Variants in PDGFA observed in about 807,000 individuals in gnomAD.
PDGFA encodes platelet derived growth factor subunit A.
Under a neutral mutation model 25.6 loss-of-function variants are expected in PDGFA, and 9 were observed. That is an observed-to-expected ratio of 0.35 (90% CI 0.21 to 0.61). The LOEUF (loss-of-function observed/expected upper bound fraction) is 0.61. PDGFA is among the 20% of genes least tolerant of loss of function. The probability of loss-of-function intolerance (pLI) is 0.75; values close to 1 mark genes in which losing one functional copy is unlikely to be tolerated. For missense variants in PDGFA, 242 were observed against 272.8 expected (o/e 0.89, Z 0.79); for synonymous variants, 133 against 111.8 (o/e 1.19, Z -1.20).
At chr7:506,733 G>A (rs576363412) in intron 4 of PDGFA, among the ~76,000 whole-genome samples, 95 of 152,248 alleles carry the variant, frequency 6.2e-4, no homozygotes, top group Admixed American at 2.5e-3. Flanking sequence ...ACTGTGCCAG[G>A]CAGAGTGCAA....
intron 4 of PDGFA, 139 bp from the exon 5 acceptor site, chr7:501,381 G>C (rs1427002938): frequency 4.8e-6 from 5 of 1,037,694 alleles, no homozygotes; most frequent in South Asian, 1.4e-5. Flanking sequence ...ACTACCTTGT[G>C]GTGGGGAGTG....
At chr7:516,423 G>A (rs1031069107) in intron 2 of PDGFA, among the ~76,000 whole-genome samples, 2 of 152,154 alleles carry the variant, frequency 1.3e-5, no homozygotes, top group African/African-American at 4.8e-5. Flanking sequence ...TTTGCAGGGA[G>A]AGAAGAATCT....
exon 6 of PDGFA, chr7:497,489 CGGCACCAG>C (rs1402468512): frequency 6.6e-6 from 1 of 152,192 alleles, no homozygotes; most frequent in African/African-American, 2.4e-5. Flanking sequence ...ACCGCCACCA[CGGCACCAG>C]GGCACACCAA....
intron 2 of PDGFA, among the ~76,000 whole-genome samples, chr7:515,996 G>GCCCC (rs766850548): frequency 1.1e-5 from 1 of 87,666 alleles, no homozygotes; most frequent in African/African-American, 4.5e-5. Context: ...CCTTCTGCTA[G>GCCCC]CACCCCCCCC....
chr7:501,588 A>G (rs1434072973), intron 4 of PDGFA, among the ~76,000 whole-genome samples: 4 of 151,874 alleles, frequency 2.6e-5, no homozygotes, highest in Non-Finnish European at 5.9e-5. Flanking sequence ...CTAATTTTAA[A>G]TATTTTTTTT....
chr7:506,031 C>A (rs902811237), intron 4 of PDGFA, among the ~76,000 whole-genome samples: 1 of 152,028 alleles, frequency 6.6e-6, no homozygotes, highest in Non-Finnish European at 1.5e-5. Context: ...CAAAAAATAG[C>A]CAGGCGTGGT....
At chr7:515,948 C>T (rs1038174095) in intron 2 of PDGFA, among the ~76,000 whole-genome samples, 1 of 151,856 alleles carries the variant, frequency 6.6e-6, no homozygotes, top group African/African-American at 2.4e-5. Context: ...GCTTCCAAAG[C>T]CAGTCCCACG....
At chr7:506,842 G>A (rs1583146092) in intron 4 of PDGFA, among the ~76,000 whole-genome samples, 1 of 152,236 alleles carries the variant, frequency 6.6e-6, no homozygotes, top group Admixed American at 6.5e-5. Flanking sequence ...GCCAGGCAGT[G>A]ACACTCCCAG....
intron 4 of PDGFA, among the ~76,000 whole-genome samples, chr7:502,913 C>A (rs9691628): frequency 1.3e-5 from 2 of 151,336 alleles, no homozygotes; most frequent in Admixed American, 6.6e-5. Flanking sequence ...CTCCACCCCC[C>A]ACCAGTCATG....
At chr7:507,747 A>T (rs1266929290) in intron 4 of PDGFA, among the ~76,000 whole-genome samples, 4 of 152,262 alleles carry the variant, frequency 2.6e-5, no homozygotes, top group Middle Eastern at 3.4e-3. Context: ...GGCCCACCGA[A>T]AGGCAGAAAC....
chr7:501,021 T>TA, intron 5 of PDGFA, 95 bp downstream of exon 5: 1 of 1,609,680 alleles, frequency 6.2e-7, no homozygotes, highest in Non-Finnish European at 8.5e-7. Context: ...CTCACAGCAG[T>TA]AAGCGTTGCG....
At position 500,670 on chromosome 7, in the gene PDGFA, G is replaced by C; in HGVS notation, c.580+446C>G. ...ATGCTCCCAGGGCCCAGCCATAGCA[G>C]GGCACAGAAGCCATTCTGCTCCTGG... On this transcript the variant is annotated intron_variant, in intron 5 of 5. Transcript: ENST00000402802. The surrounding 1 kb of genome is among the most constrained non-coding windows in gnomAD (Gnocchi z 5.0). The C allele has an allele frequency of 2.1e-6, 3 of 1,454,964 alleles. No homozygotes were observed. Among genetic ancestry groups the C allele is most frequent in the Non-Finnish European group, 2.7e-6 (3 of 1,110,380 alleles). The allele number at this position is 1,454,964 out of a possible 1,614,324, so 90.1% of individuals were successfully genotyped here. A position where few individuals can be genotyped will look rare whatever the true frequency, so the allele number is the denominator to read the frequency against.
chr7:497,587 T>G (rs568543171), exon 6 of PDGFA: 3 of 152,270 alleles, frequency 2.0e-5, no homozygotes, highest in African/African-American at 7.2e-5. Context: ...GGGGAACAAG[T>G]TGTCACTCAG....
upstream of PDGFA, chr7:520,646 G>C (rs971989426): frequency 6.6e-6 from 1 of 152,274 alleles, no homozygotes; most frequent in Non-Finnish European, 1.5e-5. Flanking sequence ...CCCGGGTTCT[G>C]AGCCTCCCGC....
At position 500,105 on chromosome 7, in the gene PDGFA, C is replaced by T. The variant is rs1782260242; in HGVS notation, c.580+1011G>A. Among the ~76,000 whole-genome samples, 1 of 152,206 alleles carries T rather than the reference C, an allele frequency of 6.6e-6. No individual in the cohort carries two copies. Among genetic ancestry groups the T allele is most frequent in the East Asian group, 1.9e-4 (1 of 5,202 alleles). ...ATGGGGTGGGTGATCCCAGAGTGGC[C>T]AGGCGCTCAGAGCTGCCCCACCGCT... On this transcript the variant is annotated intron_variant, in intron 5 of 5. Coordinates refer to ENST00000402802, the Ensembl canonical transcript of PDGFA. This position sits in a 1 kb window ranked among gnomAD's most constrained non-coding sequence, Gnocchi z 5.0.
upstream of PDGFA, chr7:520,296 G>C (rs1297097198): frequency 5.2e-6 from 1 of 191,618 alleles, no homozygotes; most frequent in South Asian, 6.7e-5. Context: ...CGCTCCGGCC[G>C]CTCTCCACGG....
At chr7:497,954 A>AAAC (rs1782145047) in exon 6 of PDGFA, 1 of 116,264 alleles carries the variant, frequency 8.6e-6, no homozygotes, top group East Asian at 2.5e-4. Flanking sequence ...AAAAAAAAAA[A>AAAC]AAAACAAAAA....
rs1176413948 is a variant in PDGFA at position 517,838 on chromosome 7, AT to A, written c.64-349del. Reference sequence around the variant, plus strand: ...GCAGCGAGGGGGCCGAAAGTTTCTGATTTAATAGTGAGATCAACATCTAGAA... The same window carrying A: ...GCAGCGAGGGGGCCGAAAGTTTCTGATTAATAGTGAGATCAACATCTAGAA... On this transcript the variant is annotated intron_variant, in intron 1 of 5. Transcript: ENST00000402802. The surrounding 1 kb of genome is among the most constrained non-coding windows in gnomAD (Gnocchi z 7.4). Among the ~76,000 whole-genome samples, 38 of 151,580 alleles carry A rather than the reference AT, an allele frequency of 2.5e-4. No homozygotes were observed. The highest frequency in any genetic ancestry group is 5.2e-4 in the Non-Finnish European group (35 of 67,948).
At chr7:510,101 G>C (rs2128399530) in intron 4 of PDGFA, among the ~76,000 whole-genome samples, 1 of 152,302 alleles carries the variant, frequency 6.6e-6, no homozygotes, top group East Asian at 1.9e-4. Flanking sequence ...GGACCCTCCA[G>C]GGCCCGGGGA....
Sources: allele counts gnomAD v4.1 joint callset (sites outside exome capture counted in the v4.1 genomes callset), GRCh38; gene constraint gnomAD v4.1.1; non-coding constraint Gnocchi (gnomAD v3.1); transcripts MANE v1.5; gene names NCBI Gene and HGNC (gene_info 2026-07-23, HGNC 2026-07-21).